Variants in PCNX1 observed in about 807,000 individuals in gnomAD.
PCNX1 encodes the protein pecanex-like protein 1.
PCNX1 carries 78 observed loss-of-function variants against 242.2 expected under a neutral mutation model. The observed-to-expected ratio is 0.32, with a 90% CI of 0.27 to 0.39. The LOEUF (loss-of-function observed/expected upper bound fraction) is 0.39, where lower values mean the gene tolerates loss of function less well. Ranked by LOEUF, PCNX1 falls within the 10% of genes least tolerant of loss-of-function variation. The pLI, the probability that PCNX1 is intolerant of heterozygous loss-of-function variation, is 1.00. For synonymous variants in PCNX1, 1,024 were observed against 1,032.9 expected, an observed-to-expected ratio of 0.99 and a Z score of 0.17; for missense variants, 2,581 against 2,856.5, an observed-to-expected ratio of 0.90 and a Z score of 2.20.
chr14:71,055,200 G>A (rs1314424072), intron 24 of PCNX1, among the ~76,000 whole-genome samples: 1 of 151,970 alleles, frequency 6.6e-6, no homozygotes, highest in African/African-American at 2.4e-5. Flanking sequence ...ACCATATACA[G>A]TATACATTTT....
At position 71,073,729 on chromosome 14, in the gene PCNX1, T is replaced by C; in HGVS notation, c.5037T>C (p.Thr1679=). 6.2e-7 allele frequency: 1 copy of C among 1,613,898 alleles called. No individual in the cohort carries two copies. Among genetic ancestry groups the C allele is most frequent in the South Asian group, 1.1e-5 (1 of 91,066 alleles). The change falls in exon 27 of 36, where the codon ACT becomes ACC. Residue 1679 remains threonine (T), a synonymous_variant. Transcript: ENST00000304743. Reference sequence around the variant, plus strand: ...ACATTCTGGAGGGTTATAGCATCACTGATAACAGTGCTGCTTCTATGCTTC... The same window carrying C: ...ACATTCTGGAGGGTTATAGCATCACCGATAACAGTGCTGCTTCTATGCTTC... ...TKYILEGYSI[T]DNSAASMLQV...
chr14:71,053,614 G>A (rs1001869796), intron 24 of PCNX1, among the ~76,000 whole-genome samples: 4 of 151,348 alleles, frequency 2.6e-5, no homozygotes, highest in African/African-American at 7.3e-5. Context: ...CACTGTGCCC[G>A]GCCTTATGGT....
At chr14:71,076,148 A>G (rs2061712486) in intron 27 of PCNX1, 41 bp from the exon 28 acceptor site, 1 of 1,216,788 alleles carries the variant, frequency 8.2e-7, no homozygotes, top group Non-Finnish European at 1.2e-6. Context: ...TGAAATTGTA[A>G]TTTAATCTGA....
intron 2 of PCNX1, among the ~76,000 whole-genome samples, chr14:70,949,083 C>CAT (rs1329791335): frequency 2.1e-5 from 3 of 141,258 alleles, no homozygotes; most frequent in African/African-American, 7.9e-5. Context: ...TGTATATATA[C>CAT]ATGTGTATAT....
intron 8 of PCNX1, among the ~76,000 whole-genome samples, chr14:70,998,478 C>T (rs1415573800): frequency 1.3e-5 from 2 of 151,872 alleles, no homozygotes; most frequent in East Asian, 3.9e-4. Flanking sequence ...AGGCTGGGCT[C>T]GGTGGCTCAT....
Position 71,050,767 on chromosome 14 carries a change from T to C in PCNX1, c.4447+7T>C. ...CAGCCTTTTGCAGTGCCTCGTATCC[T>C]TCTAATTAAAGTTTTATAAGAATGG... On this transcript the variant is annotated splice_region_variant and intron_variant, in intron 23 of 35. Coordinates refer to ENST00000304743, the MANE Select transcript of PCNX1 (RefSeq NM_014982.3). The C allele has an allele frequency of 6.2e-7, 1 of 1,610,460 alleles. No homozygotes were observed. The highest frequency in any genetic ancestry group is 8.5e-7 in the Non-Finnish European group (1 of 1,178,814).
chr14:70,927,593 TTTA>T, intron 1 of PCNX1, among the ~76,000 whole-genome samples: 1 of 152,008 alleles, frequency 6.6e-6, no homozygotes, highest in East Asian at 1.9e-4. Flanking sequence ...TATTTATTTA[TTTA>T]TTTTTTTCTG....
In PCNX1 at chr14:71,110,429, T is replaced by G. The variant is rs1203997753; in HGVS notation, c.*494T>G. The G allele has an allele frequency of 6.1e-6, 1 of 164,394 alleles. No individual in the cohort carries two copies. Among genetic ancestry groups the G allele is most frequent in the African/African-American group, 2.4e-5 (1 of 41,532 alleles). 10.2% of individuals were successfully genotyped at this position (164,394 alleles called of 1,614,324 possible). On this transcript the variant is annotated 3_prime_UTR_variant, in exon 36 of 36. Coordinates refer to ENST00000304743, the MANE Select transcript of PCNX1 (RefSeq NM_014982.3). ...AAGTTTAATGTACAGTGAAAGAGAC[T>G]ATGAACAGACATAGATTTATCTTAT...
At chr14:70,950,681 T>C (rs192370328) in intron 2 of PCNX1, among the ~76,000 whole-genome samples, 1 of 152,246 alleles carries the variant, frequency 6.6e-6, no homozygotes, top group Admixed American at 6.5e-5. Flanking sequence ...TGTTTAATAT[T>C]GTTTAATATG....
At chr14:71,058,370 C>T (rs58133478) in intron 26 of PCNX1, among the ~76,000 whole-genome samples, 55,589 of 151,986 alleles carry the variant, frequency 0.37, 10,428 homozygotes, top group East Asian at 0.62. Flanking sequence ...TATTTCTTTA[C>T]AGAAAATCAC....
intron 18 of PCNX1, 143 bp downstream of exon 18, chr14:71,034,179 A>G: frequency 1.8e-6 from 1 of 557,208 alleles, no homozygotes; most frequent in South Asian, 2.5e-5. Context: ...TACATTGTTG[A>G]TTGTCTTTAT....
At chr14:71,109,721 T>G (rs2062716037) in intron 35 of PCNX1, 74 bp from the exon 36 acceptor site, 1 of 1,568,396 alleles carries the variant, frequency 6.4e-7, no homozygotes, top group Non-Finnish European at 8.8e-7. Flanking sequence ...CTACTAATCC[T>G]AGGTAGGGGT....
rs545153224 is a variant in PCNX1, at chr14:71,108,773, G to A, written c.6471G>A (p.Ser2157=). ...PCRRSSTSQI[S]LRNLPSSIQS... ...GGCGCTCTTCTACTAGTCAGATATCGCTTCGAAACTTGCCATCATCCATCC... is the reference window on the plus strand; with the variant it reads ...GGCGCTCTTCTACTAGTCAGATATCACTTCGAAACTTGCCATCATCCATCC... The change falls in exon 34 of 36, where the codon TCG becomes TCA. Residue 2157 remains serine, a synonymous_variant. Coordinates refer to ENST00000304743, the MANE Select transcript of PCNX1 (RefSeq NM_014982.3). 53 of 1,614,224 alleles carry A rather than the reference G, an allele frequency of 3.3e-5. No individual in the cohort carries two copies. The highest frequency in any genetic ancestry group is 1.6e-4 in the African/African-American group (12 of 75,056).
At chr14:71,078,138 C>G (rs2061763289) in intron 28 of PCNX1, among the ~76,000 whole-genome samples, 1 of 152,192 alleles carries the variant, frequency 6.6e-6, no homozygotes, top group Admixed American at 6.5e-5. Context: ...GTTTTGTTTT[C>G]TACTCTTACA....
intron 2 of PCNX1, among the ~76,000 whole-genome samples, 181 bp downstream of exon 2, chr14:70,947,304 T>C (rs536763567): frequency 6.6e-6 from 1 of 152,248 alleles, no homozygotes; most frequent in African/African-American, 2.4e-5. Flanking sequence ...AGCTAACTGG[T>C]GTGTTTGGGG....
intron 26 of PCNX1, chr14:71,060,794 GAC>G (rs2061307672): frequency 6.6e-6 from 1 of 152,160 alleles, no homozygotes; most frequent in Admixed American, 6.6e-5. Flanking sequence ...CTGAAGACCA[GAC>G]ACAGAAGCAT....
At chr14:71,056,890 G>T (rs1249442375) in intron 25 of PCNX1, among the ~76,000 whole-genome samples, 2 of 151,984 alleles carry the variant, frequency 1.3e-5, no homozygotes, top group Non-Finnish European at 2.9e-5. Context: ...TGTTGGCCCA[G>T]GTTAGTCTCC....
chr14:71,109,978 C>T lies in PCNX1; in HGVS notation c.*43C>T. On this transcript the variant is annotated 3_prime_UTR_variant, in exon 36 of 36. Transcript: ENST00000304743. ...AGACATTTCTTTTTCCCTCTCAATT[C>T]CAAGGCATTGGAAAAAGAGAGGAAC... 1 of 1,579,320 alleles carries T rather than the reference C, an allele frequency of 6.3e-7. No homozygotes were observed.
intron 2 of PCNX1, among the ~76,000 whole-genome samples, chr14:70,955,003 A>G (rs2057938726): frequency 6.6e-6 from 1 of 152,212 alleles, no homozygotes; most frequent in South Asian, 2.1e-4. Context: ...TGCGTGGTAC[A>G]TTGTGGCTCT....
Sources: gnomAD v4.1 joint callset for allele counts (sites outside exome capture counted in the v4.1 genomes callset) on GRCh38, gnomAD v4.1.1 for gene constraint, MANE v1.5 for transcripts, NCBI Gene and HGNC (gene_info 2026-07-23, HGNC 2026-07-21) for gene names.